The following ALOX5AP variants were observed in gnomAD, a reference collection of about 807,000 sequenced individuals.
The protein encoded by ALOX5AP is arachidonate 5-lipoxygenase-activating protein.
In ALOX5AP, 9 loss-of-function variants were observed where a neutral mutation model predicts 18.5. The observed-to-expected ratio is 0.49, with a 90% CI of 0.29 to 0.85. The LOEUF is 0.85. ALOX5AP is among the 40% of genes least tolerant of loss of function. The pLI is 0.08. For missense variants in ALOX5AP, 172 were observed against 202.5 expected (o/e 0.85, Z 0.91); for synonymous variants, 81 against 78.6 (o/e 1.03, Z -0.16).
chr13:30,736,572 T>C (rs1406422187), intron 1 of ALOX5AP, among the ~76,000 whole-genome samples: 1 of 152,238 alleles, frequency 6.6e-6, no homozygotes, highest in Non-Finnish European at 1.5e-5. Context: ...ATTGACATGC[T>C]GTCACGTTTT....
At chr13:30,762,027 C>T (rs1048431905) in intron 4 of ALOX5AP, among the ~76,000 whole-genome samples, 1 of 152,192 alleles carries the variant, frequency 6.6e-6, no homozygotes, top group African/African-American at 2.4e-5. Context: ...ATGAACATGA[C>T]TGTGAACAGG....
intron 2 of ALOX5AP, among the ~76,000 whole-genome samples, chr13:30,750,065 A>G (rs1474557208): frequency 2.0e-5 from 3 of 152,176 alleles, no homozygotes; most frequent in Non-Finnish European, 2.9e-5. Flanking sequence ...TTGTTAAAAC[A>G]GATTTCTGGG....
intron 1 of ALOX5AP, among the ~76,000 whole-genome samples, chr13:30,719,012 C>T (rs1044233673): frequency 6.6e-6 from 1 of 152,188 alleles, no homozygotes; most frequent in African/African-American, 2.4e-5. Flanking sequence ...ACTTCTGTTG[C>T]CATCGTGCCT....
chr13:30,727,966 T>C (rs1168202900), intron 1 of ALOX5AP, among the ~76,000 whole-genome samples: 2 of 152,176 alleles, frequency 1.3e-5, no homozygotes, highest in African/African-American at 2.4e-5. Flanking sequence ...AAGGGTTGAA[T>C]TGTATCTCCC....
At chr13:30,719,217 G>C (rs748662211) in intron 1 of ALOX5AP, among the ~76,000 whole-genome samples, 45 of 152,318 alleles carry the variant, frequency 3.0e-4, no homozygotes, top group Middle Eastern at 3.4e-3. Context: ...AGAATTAAGA[G>C]TTATAATAGA....
intron 1 of ALOX5AP, among the ~76,000 whole-genome samples, chr13:30,724,308 A>G: frequency 6.6e-6 from 1 of 152,260 alleles, no homozygotes; most frequent in East Asian, 1.9e-4. Context: ...CATTATAAGA[A>G]TATACCACAA....
At chr13:30,733,113 C>A (rs987771136), upstream of ALOX5AP, among the ~76,000 whole-genome samples, 3 of 146,760 alleles carry the variant, frequency 2.0e-5, no homozygotes, top group African/African-American at 7.7e-5. Flanking sequence ...GAGCTGAGAT[C>A]GCGCCACTGC....
chr13:30,746,445 G>A (rs866669555), intron 2 of ALOX5AP, among the ~76,000 whole-genome samples: 2 of 152,238 alleles, frequency 1.3e-5, no homozygotes, highest in African/African-American at 2.4e-5. Flanking sequence ...ACACTGCTGC[G>A]GTTCTGTTAC....
At chr13:30,758,908 C>T (rs1203326516) in intron 4 of ALOX5AP, among the ~76,000 whole-genome samples, 1 of 152,096 alleles carries the variant, frequency 6.6e-6, no homozygotes, top group Non-Finnish European at 1.5e-5. Flanking sequence ...TCCACCTCTT[C>T]CCAGGTTCAA....
chr13:30,756,014 G>C lies in ALOX5AP; in HGVS notation c.312G>C (p.Glu104Asp). Residue 104 changes from glutamate to aspartate, a missense_variant, in exon 4 of 5, where the codon GAG (glutamate) becomes GAC (aspartate). Physicochemically the swap from Glu to Asp is conservative, Grantham distance 45. Transcript: ENST00000380490. ...RQKYFVGYLG[E>D]RTQSTPGYIF... ...AGTACTTTGTCGGTTACCTAGGAGA[G>C]AGAACGCAGAGGTAGGTAACTGGGA... 2.5e-6 allele frequency: 4 copies of C among 1,614,042 alleles called. No individual in the cohort carries two copies. The highest frequency in any genetic ancestry group is 1.7e-6 in the Non-Finnish European group (2 of 1,179,880).
chr13:30,738,426 T>A (rs1433583603), intron 1 of ALOX5AP, among the ~76,000 whole-genome samples: 1 of 152,248 alleles, frequency 6.6e-6, no homozygotes, highest in Non-Finnish European at 1.5e-5. Context: ...AATGGGCTCA[T>A]TGGCCAATAC....
chr13:30,741,391 CTT>C (rs34793607), intron 1 of ALOX5AP, among the ~76,000 whole-genome samples: 86 of 128,760 alleles, frequency 6.7e-4, no homozygotes, highest in Admixed American at 1.2e-3. Flanking sequence ...CTTGTTTTGT[CTT>C]TTTTTTTTTT....
chr13:30,727,086 C>T (rs1344489397), intron 1 of ALOX5AP, among the ~76,000 whole-genome samples: 1 of 149,854 alleles, frequency 6.7e-6, no homozygotes, highest in East Asian at 1.9e-4. Context: ...CAAGGTCTCA[C>T]TCTGTGGCCC....
intron 1 of ALOX5AP, among the ~76,000 whole-genome samples, chr13:30,741,835 T>G (rs1307638260): frequency 4.0e-5 from 6 of 150,898 alleles, no homozygotes; most frequent in Admixed American, 3.9e-4. Flanking sequence ...TTTTCTGTTT[T>G]TTTTTTTTTT....
At chr13:30,741,676 T>G (rs1193201424) in intron 1 of ALOX5AP, among the ~76,000 whole-genome samples, 1 of 151,782 alleles carries the variant, frequency 6.6e-6, no homozygotes, top group Admixed American at 6.6e-5. Flanking sequence ...CCCAAAGTGA[T>G]GGGATTATAG....
chr13:30,743,953 C>T (rs1951787783), intron 1 of ALOX5AP, 107 bp from the exon 2 acceptor site: 2 of 860,282 alleles, frequency 2.3e-6, no homozygotes, highest in Non-Finnish European at 3.8e-6. Flanking sequence ...TTTAGGGTTG[C>T]TTGGAGGTCA....
chr13:30,721,294 A>G (rs982686649), intron 1 of ALOX5AP, among the ~76,000 whole-genome samples: 5 of 152,216 alleles, frequency 3.3e-5, no homozygotes, highest in Non-Finnish European at 7.3e-5. Flanking sequence ...TTACTCAAGA[A>G]TAGCCAAAAT....
In ALOX5AP at chr13:30,763,989, C is replaced by G. The variant is rs767676511; in HGVS notation, c.369C>G (p.Phe123Leu). 2 of 1,614,196 alleles carry G rather than the reference C, an allele frequency of 1.2e-6. No homozygotes were observed. The change falls in exon 5 of 5, where the codon TTC becomes TTG. Residue 123 changes from phenylalanine (F) to leucine (L), a missense_variant. By Grantham distance (22) the Phe-to-Leu change is conservative. Transcript: ENST00000380490. ...IFGKRIILFL[F>L]LMSVAGIFNY... ...GGAAACGCATCATACTCTTCCTGTT[C>G]CTCATGTCCGTTGCTGGCATATTCA...
chr13:30,737,359 C>T (rs999489986), intron 1 of ALOX5AP, among the ~76,000 whole-genome samples: 17 of 152,230 alleles, frequency 1.1e-4, no homozygotes, highest in African/African-American at 3.4e-4. Context: ...AGGGCTTTCT[C>T]CTGGACTTTG....
Sources: gnomAD v4.1 joint callset for allele counts (sites outside exome capture counted in the v4.1 genomes callset) on GRCh38, gnomAD v4.1.1 for gene constraint, MANE v1.5 for transcripts, NCBI Gene and HGNC (gene_info 2026-07-23, HGNC 2026-07-21) for gene names.